ST6GAL1: variants seen among roughly 807,000 people sequenced by gnomAD.
ST6GAL1 encodes the protein beta-galactoside alpha-2,6-sialyltransferase 1.
Under a neutral mutation model 38.0 loss-of-function variants are expected in ST6GAL1, and 20 were observed. The ratio of observed to expected loss-of-function variants is 0.53; its 90% CI spans 0.37 to 0.77. The LOEUF is 0.77. Ranked by LOEUF, ST6GAL1 falls within the 30% of genes least tolerant of loss-of-function variation. The probability of loss-of-function intolerance (pLI) is 0.00; values close to 1 mark genes in which losing one functional copy is unlikely to be tolerated. For missense variants in ST6GAL1, 432 were observed against 496.4 expected, an observed-to-expected ratio of 0.87 and a Z score of 1.23; for synonymous variants, 196 against 188.2, an observed-to-expected ratio of 1.04 and a Z score of -0.34.
At chr3:187,033,505 A>T (rs1450251622) in intron 2 of ST6GAL1, among the ~76,000 whole-genome samples, 1 of 152,200 alleles carries the variant, frequency 6.6e-6, no homozygotes, top group African/African-American at 2.4e-5. Context: ...AACCATTTAC[A>T]TTTTTTCTAG....
intron 6 of ST6GAL1, among the ~76,000 whole-genome samples, 185 bp downstream of exon 6, chr3:187,073,132 A>T (rs2108605289): frequency 6.6e-6 from 1 of 152,024 alleles, no homozygotes; most frequent in East Asian, 1.9e-4. Flanking sequence ...TATACCAGCT[A>T]CTCTCTTTGC....
intron 2 of ST6GAL1, chr3:186,986,240 A>T (rs1433665244): frequency 1.3e-5 from 2 of 152,124 alleles, no homozygotes; most frequent in Admixed American, 6.5e-5. Flanking sequence ...GGTAAATGAC[A>T]CACTAAGCTA....
chr3:186,946,632 TAGAGACTTG>T (rs1714380897), intron 1 of ST6GAL1, among the ~76,000 whole-genome samples: 1 of 152,192 alleles, frequency 6.6e-6, no homozygotes, highest in South Asian at 2.1e-4. Flanking sequence ...TATACAGATA[TAGAGACTTG>T]AGGAATGATA....
chr3:186,975,409 G>A (rs1715490979), intron 2 of ST6GAL1, among the ~76,000 whole-genome samples: 1 of 152,214 alleles, frequency 6.6e-6, no homozygotes, highest in Admixed American at 6.5e-5. Context: ...AGTATTAGAT[G>A]ATGTGGACTT....
chr3:186,945,705 G>A (rs947364689), intron 1 of ST6GAL1, among the ~76,000 whole-genome samples: 1 of 152,072 alleles, frequency 6.6e-6, no homozygotes, highest in African/African-American at 2.4e-5. Flanking sequence ...TACCTTTTCC[G>A]GCTGGGCACG....
intron 2 of ST6GAL1, chr3:186,986,375 A>C (rs540703270): frequency 6.6e-6 from 1 of 152,478 alleles, no homozygotes; most frequent in East Asian, 1.9e-4. Flanking sequence ...TTCAATAAAT[A>C]TTCAACAGTA....
chr3:187,050,057 G>T (rs1381997630), intron 4 of ST6GAL1, among the ~76,000 whole-genome samples: 1 of 152,164 alleles, frequency 6.6e-6, no homozygotes, highest in Non-Finnish European at 1.5e-5. Context: ...TGATGTTTCT[G>T]TGTTCCTGAG....
At chr3:187,068,357 A>G (rs952352101) in intron 5 of ST6GAL1, among the ~76,000 whole-genome samples, 7 of 151,520 alleles carry the variant, frequency 4.6e-5, no homozygotes, top group Non-Finnish European at 1.0e-4. Flanking sequence ...AAAAAAAAAA[A>G]AAGAAGTGTG....
intron 2 of ST6GAL1, among the ~76,000 whole-genome samples, chr3:186,969,014 A>ATCTTTT (rs920610277): frequency 5.5e-5 from 8 of 145,552 alleles, no homozygotes; most frequent in South Asian, 4.4e-4. Flanking sequence ...GGTATGATCT[A>ATCTTTT]TCTTTTTCTT....
At chr3:186,942,173 A>G (rs1371495219) in intron 1 of ST6GAL1, among the ~76,000 whole-genome samples, 1 of 152,206 alleles carries the variant, frequency 6.6e-6, no homozygotes, top group Non-Finnish European at 1.5e-5. Context: ...AAGGGGTGGG[A>G]CAAGTTATAG....
chr3:186,947,181 G>A (rs532262225), intron 1 of ST6GAL1, among the ~76,000 whole-genome samples: 2 of 152,256 alleles, frequency 1.3e-5, no homozygotes, highest in South Asian at 2.1e-4. Context: ...GATACTACAC[G>A]TAGATATCTC....
At chr3:186,937,580 TAAG>T (rs1029507967) in intron 1 of ST6GAL1, among the ~76,000 whole-genome samples, 1 of 151,992 alleles carries the variant, frequency 6.6e-6, no homozygotes, top group Non-Finnish European at 1.5e-5. Flanking sequence ...CAAAGACAAA[TAAG>T]AAGAGCTTAG....
At chr3:187,057,155 G>A (rs1718733181) in intron 5 of ST6GAL1, among the ~76,000 whole-genome samples, 2 of 152,086 alleles carry the variant, frequency 1.3e-5, no homozygotes, top group South Asian at 4.1e-4. Flanking sequence ...AGCTCCATCA[G>A]GTCATTTAAG....
At chr3:186,969,602 T>C (rs936325432) in intron 2 of ST6GAL1, among the ~76,000 whole-genome samples, 1 of 152,204 alleles carries the variant, frequency 6.6e-6, no homozygotes, top group Non-Finnish European at 1.5e-5. Context: ...CTTTGCAAAA[T>C]TGTTCTCCAA....
At chr3:186,959,516 C>CA (rs376619704) in intron 1 of ST6GAL1, among the ~76,000 whole-genome samples, 2 of 150,712 alleles carry the variant, frequency 1.3e-5, no homozygotes, top group African/African-American at 2.4e-5. Context: ...TAGTTGCTAA[C>CA]AAAAAAAAAT....
intron 5 of ST6GAL1, among the ~76,000 whole-genome samples, chr3:187,052,074 GTC>G (rs529050609): frequency 1.5e-3 from 231 of 152,118 alleles, no homozygotes; most frequent in African/African-American, 5.1e-3. Flanking sequence ...TCAGTATTTA[GTC>G]TGCATACTTC....
intron 2 of ST6GAL1, among the ~76,000 whole-genome samples, chr3:187,022,578 C>T (rs1259418158): frequency 6.6e-6 from 1 of 152,116 alleles, no homozygotes; most frequent in Non-Finnish European, 1.5e-5. Flanking sequence ...ATTGTCTCTT[C>T]TCAGACCTTT....
chr3:187,040,773 T>G (rs929088354), intron 3 of ST6GAL1, among the ~76,000 whole-genome samples: 3 of 152,240 alleles, frequency 2.0e-5, no homozygotes, highest in Non-Finnish European at 4.4e-5. Flanking sequence ...CACCCTTCAC[T>G]TCATGATCTT....
chr3:186,969,899 C>T lies in ST6GAL1; in HGVS notation c.-183+5973C>T, dbSNP rs1448084710. On this transcript the variant is annotated intron_variant, in intron 2 of 7. Coordinates refer to ENST00000169298, the MANE Select transcript of ST6GAL1 (RefSeq NM_173216.2). The stretch of plus-strand genomic sequence containing the variant: ...TATGAATAATTTGACCTGGTTGGAA[C>T]ACCAGGATTTTGGAGCGAAGAGTCT... Among the ~76,000 whole-genome samples, 5 of 152,196 alleles carry T rather than the reference C, an allele frequency of 3.3e-5. No individual in the cohort carries two copies. In the East Asian group the frequency reaches 9.6e-4, roughly 29 times the overall value.
Sources: gnomAD v4.1 joint callset for allele counts (sites outside exome capture counted in the v4.1 genomes callset) on GRCh38, gnomAD v4.1.1 for gene constraint, MANE v1.5 for transcripts, NCBI Gene and HGNC (gene_info 2026-07-23, HGNC 2026-07-21) for gene names.